ROBO2: variants seen among roughly 807,000 people sequenced by gnomAD.
ROBO2 encodes roundabout homolog 2.
In ROBO2, 53 loss-of-function variants were observed where a neutral mutation model predicts 160.8. That is an observed-to-expected ratio of 0.33 (90% confidence interval 0.26 to 0.41). The LOEUF is 0.41. Among genes scored for constraint, ROBO2 ranks in the 10% least tolerant of loss-of-function variants. The pLI is 1.00. For missense variants in ROBO2, 1,577 were observed against 1,722.4 expected (o/e 0.92, Z 1.49); for synonymous variants, 664 against 611.7 (o/e 1.09, Z -1.26).
chr3:77,625,832 A>C (rs1267852164), intron 23 of ROBO2, among the ~76,000 whole-genome samples: 1 of 152,158 alleles, frequency 6.6e-6, no homozygotes, highest in African/African-American at 2.4e-5. Flanking sequence ...AAAGCCTAAA[A>C]TATTTACTAT....
chr3:76,813,424 A>C (rs1479841936), intron 2 of ROBO2, among the ~76,000 whole-genome samples: 9 of 152,104 alleles, frequency 5.9e-5, no homozygotes, highest in Admixed American at 5.9e-4. Flanking sequence ...GTCAAAACTT[A>C]TTTAAAACTT....
At position 76,726,369 on chromosome 3, in the gene ROBO2, G is replaced by A. The variant is rs149000911; in HGVS notation, c.110-371645G>A. Among the ~76,000 whole-genome samples, 17 of 152,066 alleles carry A rather than the reference G, an allele frequency of 1.1e-4. No individual in the cohort carries two copies. In the East Asian group the frequency reaches 3.3e-3, roughly 29 times the overall value. On this transcript the variant is annotated intron_variant, in intron 2 of 26. Transcript: ENST00000487694. ...AAAAATTAGGCTATGATTTTTTTAG[G>A]TATATTGTTAACACTTTGCCCTCCC...
At chr3:77,253,325 T>C (rs554781079) in intron 2 of ROBO2, among the ~76,000 whole-genome samples, 1 of 152,342 alleles carries the variant, frequency 6.6e-6, no homozygotes, top group Admixed American at 6.5e-5. Context: ...AGTTGAATTA[T>C]GTATTTAAAT....
chr3:76,782,023 C>T (rs548924828), intron 2 of ROBO2, among the ~76,000 whole-genome samples: 3 of 150,704 alleles, frequency 2.0e-5, no homozygotes, highest in South Asian at 2.1e-4. Flanking sequence ...TTTTTGATTA[C>T]GGATTCAGTC....
At chr3:77,409,469 C>A (rs1475263083) in intron 2 of ROBO2, among the ~76,000 whole-genome samples, 2 of 152,026 alleles carry the variant, frequency 1.3e-5, no homozygotes, top group Non-Finnish European at 2.9e-5. Flanking sequence ...TTTTCTCCTG[C>A]AAAATTGCCA....
At chr3:77,610,859 T>C (rs527311080) in intron 21 of ROBO2, among the ~76,000 whole-genome samples, 16 of 152,132 alleles carry the variant, frequency 1.1e-4, no homozygotes, top group Admixed American at 2.0e-4. Context: ...CTCTTTTCTT[T>C]AAGGTTATCT....
intron 2 of ROBO2, among the ~76,000 whole-genome samples, chr3:76,628,433 G>T (rs1354138032): frequency 7.4e-6 from 1 of 135,362 alleles, no homozygotes; most frequent in Non-Finnish European, 1.6e-5. Context: ...TAATTTTTAG[G>T]TTTTTTTTTT....
intron 2 of ROBO2, among the ~76,000 whole-genome samples, chr3:77,022,529 A>G (rs559727715): frequency 1.3e-5 from 2 of 152,342 alleles, no homozygotes; most frequent in South Asian, 4.1e-4. Context: ...GTCCAGTCAG[A>G]ATTCTATAAA....
At chr3:77,341,535 C>T (rs1473130926) in intron 2 of ROBO2, among the ~76,000 whole-genome samples, 3 of 152,100 alleles carry the variant, frequency 2.0e-5, no homozygotes, top group African/African-American at 7.2e-5. Context: ...TTGATGGGAA[C>T]TGGGGAAGTG....
intron 2 of ROBO2, among the ~76,000 whole-genome samples, chr3:76,079,721 G>A (rs1016039401): frequency 3.3e-5 from 5 of 151,848 alleles, no homozygotes; most frequent in Non-Finnish European, 5.9e-5. Flanking sequence ...CCTGAGCTCA[G>A]GCAATCCGTC....
chr3:76,924,062 C>A (rs2076832693), intron 2 of ROBO2, among the ~76,000 whole-genome samples: 1 of 152,130 alleles, frequency 6.6e-6, no homozygotes, highest in Admixed American at 6.5e-5. Context: ...GAATAAACTG[C>A]TTAAGAATTT....
At chr3:76,245,236 T>A (rs1042334642) in intron 2 of ROBO2, among the ~76,000 whole-genome samples, 2 of 152,194 alleles carry the variant, frequency 1.3e-5, no homozygotes, top group Non-Finnish European at 2.9e-5. Flanking sequence ...ATGCTTCAAA[T>A]ATGTGGGTTA....
intron 2 of ROBO2, among the ~76,000 whole-genome samples, chr3:77,128,166 A>G (rs916610499): frequency 2.0e-5 from 3 of 152,210 alleles, no homozygotes; most frequent in African/African-American, 4.8e-5. Flanking sequence ...TGCCAGGTGC[A>G]TATCCAGGTG....
At chr3:76,973,730 CTATG>C in intron 2 of ROBO2, among the ~76,000 whole-genome samples, 1 of 152,072 alleles carries the variant, frequency 6.6e-6, no homozygotes, top group Non-Finnish European at 1.5e-5. Context: ...TAAGCTCTGA[CTATG>C]TATGAGATCT....
intron 2 of ROBO2, among the ~76,000 whole-genome samples, chr3:76,734,034 A>G (rs1349863920): frequency 6.6e-6 from 1 of 152,160 alleles, no homozygotes; most frequent in Non-Finnish European, 1.5e-5. Context: ...TCTGCTTATG[A>G]GGGAACTAAT....
At chr3:76,631,186 T>C (rs1373640999) in intron 2 of ROBO2, among the ~76,000 whole-genome samples, 3 of 152,194 alleles carry the variant, frequency 2.0e-5, no homozygotes, top group Non-Finnish European at 2.9e-5. Flanking sequence ...AAATATTAAA[T>C]CTAATTTTAA....
At chr3:77,263,714 G>T (rs371610635) in intron 2 of ROBO2, among the ~76,000 whole-genome samples, 1 of 152,150 alleles carries the variant, frequency 6.6e-6, no homozygotes, top group Non-Finnish European at 1.5e-5. Flanking sequence ...CAGTGAACAT[G>T]AGTGAATGTG....
chr3:76,731,492 T>G (rs1157487811), intron 2 of ROBO2, among the ~76,000 whole-genome samples: 1 of 152,072 alleles, frequency 6.6e-6, no homozygotes, highest in Non-Finnish European at 1.5e-5. Context: ...TGTTTTTTTT[T>G]TCAAGTTCTT....
intron 2 of ROBO2, among the ~76,000 whole-genome samples, chr3:77,153,514 A>G (rs913814119): frequency 2.0e-5 from 3 of 152,118 alleles, no homozygotes; most frequent in Non-Finnish European, 4.4e-5. Flanking sequence ...AATTAAATTT[A>G]TCTTTATGAA....
Sources: gnomAD v4.1 joint callset for allele counts (sites outside exome capture counted in the v4.1 genomes callset) on GRCh38, gnomAD v4.1.1 for gene constraint, MANE v1.5 for transcripts, NCBI Gene and HGNC (gene_info 2026-07-23, HGNC 2026-07-21) for gene names.